IRAG2: variants seen among roughly 807,000 people sequenced by gnomAD.
IRAG2 encodes the protein inositol 1,4,5-triphosphate receptor associated 2.
In IRAG2, 45 loss-of-function variants were observed where a neutral mutation model predicts 69.9. The ratio of observed to expected loss-of-function variants is 0.64; its 90% CI spans 0.51 to 0.83. The LOEUF is 0.83. IRAG2 is among the 40% of genes least tolerant of loss of function. The probability of loss-of-function intolerance (pLI) is 0.00; values close to 1 mark genes in which losing one functional copy is unlikely to be tolerated. For synonymous variants in IRAG2, 193 were observed against 202.4 expected (o/e 0.95, Z 0.40); for missense variants, 520 against 587.0 (o/e 0.89, Z 1.18).
intron 15 of IRAG2, among the ~76,000 whole-genome samples, chr12:25,099,307 T>G (rs572905586): frequency 6.6e-6 from 1 of 152,288 alleles, no homozygotes; most frequent in Admixed American, 6.5e-5. Context: ...GCTCCTTACT[T>G]CACTCAAGGG....
chr12:25,099,792 G>A (rs1948638995), intron 15 of IRAG2, among the ~76,000 whole-genome samples: 1 of 151,892 alleles, frequency 6.6e-6, no homozygotes, highest in Admixed American at 6.6e-5. Flanking sequence ...ATGAGGTCAG[G>A]AGTTTGAGAC....
At chr12:25,057,782 G>A (rs964469931) in intron 1 of IRAG2, among the ~76,000 whole-genome samples, 9 of 151,968 alleles carry the variant, frequency 5.9e-5, no homozygotes, top group African/African-American at 1.7e-4. Context: ...TCAATGCCCC[G>A]CCTCCACCTC....
intron 2 of IRAG2, among the ~76,000 whole-genome samples, chr12:25,007,298 TATC>T (rs941380489): frequency 2.0e-5 from 3 of 152,232 alleles, no homozygotes; most frequent in African/African-American, 7.2e-5. Context: ...ACAATGCCAT[TATC>T]ATGATTTTAA....
At chr12:25,062,981 T>C (rs1945723985) in intron 3 of IRAG2, 81 bp downstream of exon 3, 1 of 398,322 alleles carries the variant, frequency 2.5e-6, no homozygotes, top group African/African-American at 2.1e-5. Context: ...AAATCCAGTA[T>C]GTATCAGTAG....
At chr12:25,031,238 T>G in intron 10 of IRAG2, 1 of 176,842 alleles carries the variant, frequency 5.7e-6, no homozygotes, top group Non-Finnish European at 1.1e-5. Context: ...GGGTGTTCTC[T>G]ATGTAATGAT....
chr12:25,048,959 C>T (rs563186201), upstream of IRAG2, among the ~76,000 whole-genome samples: 43 of 152,228 alleles, frequency 2.8e-4, no homozygotes, highest in Non-Finnish European at 5.3e-4. Flanking sequence ...GGAAGGGGAC[C>T]AGTTTCAATT....
chr12:25,008,996 T>C (rs1464180068), intron 2 of IRAG2, among the ~76,000 whole-genome samples: 1 of 152,136 alleles, frequency 6.6e-6, no homozygotes, highest in Admixed American at 6.5e-5. Flanking sequence ...GGATATTAAT[T>C]TTTTCTGCTT....
chr12:25,096,219 T>C (rs1159265853), intron 14 of IRAG2, among the ~76,000 whole-genome samples: 1 of 152,200 alleles, frequency 6.6e-6, no homozygotes, highest in Non-Finnish European at 1.5e-5. Context: ...ATGGTTTTAT[T>C]GACAGCCTTT....
chr12:25,043,289 G>A (rs965806264), intron 16 of IRAG2, among the ~76,000 whole-genome samples: 13 of 152,164 alleles, frequency 8.5e-5, no homozygotes, highest in African/African-American at 3.1e-4. Flanking sequence ...TCCCTAGCAT[G>A]GTGGGGTGGG....
chr12:25,006,682 T>C (rs1288931005), intron 2 of IRAG2, among the ~76,000 whole-genome samples: 1 of 152,094 alleles, frequency 6.6e-6, no homozygotes, highest in Non-Finnish European at 1.5e-5. Context: ...TGTATATACA[T>C]GGAAACAAAG....
chr12:25,072,325 T>A (rs1946394835), intron 6 of IRAG2, among the ~76,000 whole-genome samples: 1 of 152,238 alleles, frequency 6.6e-6, no homozygotes, highest in South Asian at 2.1e-4. Flanking sequence ...CTTCTGTAGT[T>A]TGCAACAGCC....
intron 9 of IRAG2, among the ~76,000 whole-genome samples, chr12:25,081,355 T>G (rs1270040288): frequency 6.6e-6 from 1 of 152,152 alleles, no homozygotes; most frequent in African/African-American, 2.4e-5. Flanking sequence ...TCCCAGCTAC[T>G]CGGGAGGCTG....
intron 14 of IRAG2, among the ~76,000 whole-genome samples, chr12:25,090,468 C>T (rs1947962474): frequency 6.6e-6 from 1 of 151,978 alleles, no homozygotes; most frequent in South Asian, 2.1e-4. Flanking sequence ...TCATTTGAGC[C>T]CAGGAGTTGG....
intron 16 of IRAG2, among the ~76,000 whole-genome samples, chr12:25,044,383 G>GA (rs1288361460): frequency 2.0e-5 from 3 of 151,100 alleles, no homozygotes; most frequent in Non-Finnish European, 4.4e-5. Context: ...AAGACAGACA[G>GA]AAAAATAATA....
intron 14 of IRAG2, among the ~76,000 whole-genome samples, 178 bp downstream of exon 14, chr12:25,090,375 C>T (rs1947953639): frequency 3.3e-5 from 1 of 30,410 alleles, no homozygotes; most frequent in Non-Finnish European, 8.9e-5. Context: ...GACCCCATCT[C>T]TACCAAAAAA....
chr12:25,029,679 T>A (rs545649685), intron 9 of IRAG2, among the ~76,000 whole-genome samples: 195 of 149,720 alleles, frequency 1.3e-3, no homozygotes, highest in Non-Finnish European at 1.8e-3. Flanking sequence ...TTTTTTTTTT[T>A]ATTTAAATTT....
At chr12:25,081,325 G>A (rs1947196337) in intron 9 of IRAG2, among the ~76,000 whole-genome samples, 3 of 152,138 alleles carry the variant, frequency 2.0e-5, no homozygotes, top group Non-Finnish European at 2.9e-5. Context: ...TTAGCCAGGC[G>A]TGGTGGCGGG....
In IRAG2 at chr12:25,077,229, G is replaced by GAT. The variant is rs71452243; in HGVS notation, c.25-2006_25-2005dup. 6.7e-4 allele frequency among the ~76,000 whole-genome samples: 21 copies of GAT among 31,174 alleles called. 3 individuals are homozygous for GAT. The highest frequency in any genetic ancestry group is 2.0e-3 in the African/African-American group (20 of 9,844). 20.5% of individuals were successfully genotyped at this position (31,174 alleles called of 152,430 possible). A position where few individuals can be genotyped will look rare whatever the true frequency, so the allele number is the denominator to read the frequency against. On this transcript the variant is annotated intron_variant, in intron 6 of 21. Coordinates refer to ENST00000556887, the MANE Select transcript of IRAG2 (RefSeq NM_001366544.2). ...TATATGATATATATGAAATATATATGATATATATATGAAATATATATATGA... is the reference window on the plus strand; with the variant it reads ...TATATGATATATATGAAATATATATGATATATATATATGAAATATATATATGA...
At position 25,052,940 on chromosome 12, in the gene IRAG2, G is replaced by A. The variant is rs1338455835; in HGVS notation, c.-463G>A. ...ACACTTGCCAGGCACTTCAGCAGAAGACAAGGAAACTGAAGAGTGAGTAGC... is the reference window on the plus strand; with the variant it reads ...ACACTTGCCAGGCACTTCAGCAGAAAACAAGGAAACTGAAGAGTGAGTAGC... On this transcript the variant is annotated 5_prime_UTR_variant, in exon 1 of 22. Transcript: ENST00000556887. 5.0e-6 allele frequency: 2 copies of A among 398,446 alleles called. No homozygotes were observed. Among genetic ancestry groups the A allele is most frequent in the Non-Finnish European group, 8.8e-6 (2 of 226,046 alleles). The allele number at this position is 398,446 out of a possible 1,614,324, so 24.7% of individuals were successfully genotyped here.
Sources: gnomAD v4.1 joint callset for allele counts (sites outside exome capture counted in the v4.1 genomes callset) on GRCh38, gnomAD v4.1.1 for gene constraint, MANE v1.5 for transcripts, NCBI Gene and HGNC (gene_info 2026-07-23, HGNC 2026-07-21) for gene names.